The following LRP1B variants were observed in gnomAD, a reference collection of about 807,000 sequenced individuals.
LRP1B encodes the protein low-density lipoprotein receptor-related protein 1B.
Under a neutral mutation model 556.6 loss-of-function variants are expected in LRP1B, and 217 were observed. The ratio of observed to expected loss-of-function variants is 0.39; its 90% CI spans 0.35 to 0.44. The LOEUF is 0.44. Ranked by LOEUF, LRP1B falls within the 20% of genes least tolerant of loss-of-function variation. LRP1B has a pLI of 1.00. For missense variants in LRP1B, 5,053 were observed against 5,620.8 expected (o/e 0.90, Z 3.23); for synonymous variants, 2,047 against 1,865.8 (o/e 1.10, Z -2.50).
chr2:141,209,164 C>A (rs1252581822), intron 6 of LRP1B, among the ~76,000 whole-genome samples: 2 of 152,218 alleles, frequency 1.3e-5, no homozygotes, highest in East Asian at 1.9e-4. Context: ...GGTTCTGTGT[C>A]CCCACCCAAA....
At chr2:141,342,940 C>T (rs572579931) in intron 3 of LRP1B, among the ~76,000 whole-genome samples, 1 of 152,056 alleles carries the variant, frequency 6.6e-6, no homozygotes, top group South Asian at 2.1e-4. Context: ...CCAAGGTTGA[C>T]ATGAAGGAAA....
chr2:142,013,076 A>G (rs980982265), intron 1 of LRP1B, among the ~76,000 whole-genome samples: 6 of 152,226 alleles, frequency 3.9e-5, no homozygotes, highest in Non-Finnish European at 5.9e-5. Context: ...GTTACCTTCT[A>G]TGTGTCAATC....
chr2:141,509,677 C>G (rs906027538), intron 2 of LRP1B, among the ~76,000 whole-genome samples: 1 of 151,838 alleles, frequency 6.6e-6, no homozygotes, highest in Non-Finnish European at 1.5e-5. Flanking sequence ...AATTCAAGAG[C>G]AAATACACTG....
chr2:141,957,072 C>T (rs1350984274), intron 1 of LRP1B, among the ~76,000 whole-genome samples: 1 of 151,978 alleles, frequency 6.6e-6, no homozygotes, highest in Non-Finnish European at 1.5e-5. Flanking sequence ...CTTAATACTC[C>T]TTAGTATACA....
chr2:141,838,194 T>A (rs1280852297), intron 1 of LRP1B, among the ~76,000 whole-genome samples: 2 of 152,082 alleles, frequency 1.3e-5, no homozygotes, highest in Non-Finnish European at 2.9e-5. Flanking sequence ...GTAAGCTATC[T>A]CACAGTCTCA....
At chr2:141,165,414 C>T (rs2105124081) in intron 7 of LRP1B, among the ~76,000 whole-genome samples, 1 of 151,924 alleles carries the variant, frequency 6.6e-6, no homozygotes, top group African/African-American at 2.4e-5. Context: ...ATTAAATAAC[C>T]ATATGTATTA....
At chr2:141,375,362 A>G (rs1482080530) in intron 3 of LRP1B, among the ~76,000 whole-genome samples, 1 of 152,084 alleles carries the variant, frequency 6.6e-6, no homozygotes, top group Non-Finnish European at 1.5e-5. Flanking sequence ...GGGTCACCAG[A>G]TGGCATGTTT....
rs562086183 is a variant in LRP1B, at chr2:140,244,819, T to C, written c.13324+2267A>G. Among the ~76,000 whole-genome samples the C allele has an allele frequency of 9.9e-5, 15 of 151,442 alleles. No homozygotes were observed. In the South Asian group the frequency reaches 2.9e-3, roughly 29 times the overall value. ...AACAGAGGTCCACTGATGATAGAAA[T>C]GCAGATTTGAAAACACATTCCTAAA... On this transcript the variant is annotated intron_variant, in intron 87 of 90. Transcript: ENST00000389484.
intron 1 of LRP1B, among the ~76,000 whole-genome samples, chr2:141,853,115 A>G (rs1040994299): frequency 6.6e-6 from 1 of 151,734 alleles, no homozygotes; most frequent in Non-Finnish European, 1.5e-5. Context: ...ACCCATCCAA[A>G]AATTAATAAA....
At chr2:141,685,716 G>A (rs1323855894) in intron 2 of LRP1B, among the ~76,000 whole-genome samples, 2 of 152,044 alleles carry the variant, frequency 1.3e-5, no homozygotes, top group African/African-American at 2.4e-5. Flanking sequence ...TGTGGCACAA[G>A]CCAAGGAATG....
chr2:141,715,343 T>C (rs1692541149), intron 2 of LRP1B, among the ~76,000 whole-genome samples: 1 of 152,056 alleles, frequency 6.6e-6, no homozygotes, highest in South Asian at 2.1e-4. Context: ...TGGGGGTATG[T>C]GCCTGTTGTT....
chr2:141,261,045 A>T (rs571532918), intron 3 of LRP1B, among the ~76,000 whole-genome samples: 67 of 152,294 alleles, frequency 4.4e-4, no homozygotes, highest in South Asian at 1.2e-3. Flanking sequence ...TGAAAAGCTG[A>T]CACAGCTACT....
At chr2:140,698,919 T>C (rs981171567) in intron 41 of LRP1B, among the ~76,000 whole-genome samples, 1 of 152,100 alleles carries the variant, frequency 6.6e-6, no homozygotes, top group Admixed American at 6.6e-5. Flanking sequence ...TATTATGCAA[T>C]ACTCCCAAAT....
chr2:140,269,355 C>T (rs757316018), intron 86 of LRP1B: 4 of 470,646 alleles, frequency 8.5e-6, no homozygotes, highest in Admixed American at 2.4e-5. Flanking sequence ...CTGGTCACAG[C>T]GCTGACTTTT....
Position 140,353,043 on chromosome 2 carries a change from A to G in LRP1B, c.11560T>C (p.Cys3854Arg), listed in dbSNP as rs2105122222. 6.2e-7 allele frequency: 1 copy of G among 1,613,010 alleles called. No homozygotes were observed. Among genetic ancestry groups the G allele is most frequent in the Non-Finnish European group, 8.5e-7 (1 of 1,179,414 alleles). The stretch of plus-strand genomic sequence containing the variant: ...TCCACATTTATACATTGATGGGAAC[A>G]TGTGCCAAACACCAAACATTCATTA... ...DLNECLVFGT[C>R]SHQCINVEGS... Residue 3854 changes from cysteine to arginine, a missense_variant, in exon 76 of 91, where the codon TGT becomes CGT. Around this residue, in one of 5 missense-constraint regions of LRP1B, gnomAD observed 599 missense variants for 648.4 expected, o/e 0.92. Coordinates refer to ENST00000389484, the MANE Select transcript of LRP1B (RefSeq NM_018557.3).
rs965502647 is a variant in LRP1B, at chr2:141,881,795, G to A, written c.83-71394C>T. Among the ~76,000 whole-genome samples, 5 of 152,090 alleles carry A rather than the reference G, an allele frequency of 3.3e-5. No homozygotes were observed. The East Asian group carries it at 7.7e-4, about 24-fold the overall frequency. ...CAAAGTTCACTGATGGTGAATTATCGAAGAGTCAAATCACCTAGAAATCAG... is the reference window on the plus strand; with the variant it reads ...CAAAGTTCACTGATGGTGAATTATCAAAGAGTCAAATCACCTAGAAATCAG... On this transcript the variant is annotated intron_variant, in intron 1 of 90. Coordinates refer to ENST00000389484, the MANE Select transcript of LRP1B (RefSeq NM_018557.3).
rs1382446995 is a variant in LRP1B at position 140,394,775 on chromosome 2, T to C, written c.10415-8766A>G. ...ACAGGCAATTAGAAGTTTCTGTCGA[T>C]AACCTAGGAAGGTCAATGAAAGTTG... On this transcript the variant is annotated intron_variant, in intron 66 of 90. Coordinates refer to ENST00000389484, the MANE Select transcript of LRP1B (RefSeq NM_018557.3). Among the ~76,000 whole-genome samples, 3 of 152,172 alleles carry C rather than the reference T, an allele frequency of 2.0e-5. No homozygotes were observed. The East Asian group carries it at 5.8e-4, about 29-fold the overall frequency.
At chr2:141,862,042 A>G (rs1698263463) in intron 1 of LRP1B, among the ~76,000 whole-genome samples, 1 of 152,224 alleles carries the variant, frequency 6.6e-6, no homozygotes, top group African/African-American at 2.4e-5. Context: ...TAAAATTCCT[A>G]TTTTGATAGC....
At chr2:141,640,200 AGTT>A (rs1689279752) in intron 2 of LRP1B, among the ~76,000 whole-genome samples, 1 of 152,204 alleles carries the variant, frequency 6.6e-6, no homozygotes, top group Admixed American at 6.6e-5. Context: ...TGTTTCCCTG[AGTT>A]GCTACAGATC....
Sources: allele counts gnomAD v4.1 joint callset (sites outside exome capture counted in the v4.1 genomes callset), GRCh38; gene constraint gnomAD v4.1.1; regional missense constraint gnomAD v4.1.1; transcripts MANE v1.5; gene names NCBI Gene and HGNC (gene_info 2026-07-23, HGNC 2026-07-21).